Variants in CELSR1 observed in about 807,000 individuals in gnomAD.
The protein encoded by CELSR1 is cadherin EGF LAG seven-pass G-type receptor 1.
A neutral mutation model predicts 249.1 loss-of-function variants in CELSR1; 110 were observed. The observed-to-expected ratio is 0.44, with a 90% CI of 0.38 to 0.52. The LOEUF (loss-of-function observed/expected upper bound fraction) is 0.52. Ranked by LOEUF, CELSR1 falls within the 20% of genes least tolerant of loss-of-function variation. CELSR1 has a pLI of 0.00. For synonymous variants in CELSR1, 2,113 were observed against 1,900.0 expected (o/e 1.11, Z -2.92); for missense variants, 4,109 against 4,296.4 (o/e 0.96, Z 1.22).
rs1157819411 is a variant in CELSR1 at position 46,374,852 on chromosome 22, G to C, written c.7585-1795C>G. ...GAAGAAACCCCTCCGCAGGAGCAGC[G>C]ACCCTGCCATATGGGCCCCGCACAC... is the stretch of plus-strand genomic sequence containing the variant. On this transcript the variant is annotated intron_variant, in intron 24 of 34. Coordinates refer to ENST00000674500, the MANE Select transcript of CELSR1 (RefSeq NM_001378328.1). The surrounding 1 kb of genome is among the most constrained non-coding windows in gnomAD (Gnocchi z 4.3). Among the ~76,000 whole-genome samples the C allele has an allele frequency of 6.6e-6, 1 of 152,194 alleles. No individual in the cohort carries two copies. The highest frequency in any genetic ancestry group is 6.5e-5 in the Admixed American group (1 of 15,292).
In CELSR1 at chr22:46,526,560, C is replaced by A. The variant is rs117876147; in HGVS notation, c.3544+7067G>T. On this transcript the variant is annotated intron_variant, in intron 1 of 34. Transcript: ENST00000674500. The surrounding 1 kb of genome is among the most constrained non-coding windows in gnomAD (Gnocchi z 4.7). ...CACCAAGGACCTGCCCTTGGCTAAC[C>A]CATCACATCTCTGTCCCCAGGCTCT... Among the ~76,000 whole-genome samples, 2 of 152,306 alleles carry A rather than the reference C, an allele frequency of 1.3e-5. No individual in the cohort carries two copies. The highest frequency in any genetic ancestry group is 2.9e-5 in the Non-Finnish European group (2 of 68,026).
intron 1 of CELSR1, among the ~76,000 whole-genome samples, chr22:46,510,147 G>A (rs998387053): frequency 5.3e-5 from 8 of 152,232 alleles, no homozygotes; most frequent in African/African-American, 1.9e-4. Flanking sequence ...CACCCTCTGC[G>A]TCTGTCTCTC....
At chr22:46,378,912 G>T (rs78852768) in intron 22 of CELSR1, among the ~76,000 whole-genome samples, 195 bp from the exon 23 acceptor site, 1 of 152,028 alleles carries the variant, frequency 6.6e-6, no homozygotes, top group East Asian at 1.9e-4. Context: ...CCCCTACACC[G>T]AAGACAAGAG....
At chr22:46,461,929 T>G (rs1412469325) in intron 2 of CELSR1, among the ~76,000 whole-genome samples, 1 of 152,084 alleles carries the variant, frequency 6.6e-6, no homozygotes, top group East Asian at 1.9e-4. Flanking sequence ...AGCAGCCCAC[T>G]CAAGGCCGTG....
intron 1 of CELSR1, among the ~76,000 whole-genome samples, chr22:46,519,562 C>G (rs1436804631): frequency 6.6e-6 from 1 of 152,198 alleles, no homozygotes; most frequent in Admixed American, 6.5e-5. Flanking sequence ...CCAGGCAGAG[C>G]CTGGGCATCA....
chr22:46,432,433 T>G (rs571005919), intron 5 of CELSR1, among the ~76,000 whole-genome samples: 1 of 152,196 alleles, frequency 6.6e-6, no homozygotes, highest in African/African-American at 2.4e-5. Flanking sequence ...CCCAGCCTTG[T>G]GAAGTCCGGG....
In CELSR1 at chr22:46,428,872, T is replaced by C. The variant is rs2079564068; in HGVS notation, c.4611+4521A>G. On this transcript the variant is annotated intron_variant, in intron 5 of 34. Transcript: ENST00000674500. The surrounding 1 kb of genome is among the most constrained non-coding windows in gnomAD (Gnocchi z 5.7). ...ACTACCTCCCCTGCATGTCCCTGCCTCCCCAGCTGGCCAGGAGACTGTGCT... is the reference window on the plus strand; with the variant it reads ...ACTACCTCCCCTGCATGTCCCTGCCCCCCCAGCTGGCCAGGAGACTGTGCT... Among the ~76,000 whole-genome samples, 1 of 152,086 alleles carries C rather than the reference T, an allele frequency of 6.6e-6. No homozygotes were observed. Among genetic ancestry groups the C allele is most frequent in the African/African-American group, 2.4e-5 (1 of 41,410 alleles).
chr22:46,416,822 G>A (rs114006724), intron 5 of CELSR1, among the ~76,000 whole-genome samples: 3,465 of 152,224 alleles, frequency 0.023, 115 homozygotes, highest in African/African-American at 0.078. Context: ...GCTCTACGCA[G>A]TGCTGGGAGT....
At chr22:46,422,766 C>CAAAAA (rs372904848) in intron 5 of CELSR1, among the ~76,000 whole-genome samples, 2 of 99,328 alleles carry the variant, frequency 2.0e-5, no homozygotes, top group African/African-American at 8.5e-5. Context: ...GACTCCATCT[C>CAAAAA]AAAAAAAAAA....
chr22:46,535,854 G>A lies in CELSR1; in HGVS notation c.1317C>T (p.Leu439=). Residue 439 remains leucine (L), a synonymous_variant, in exon 1 of 35, where the codon CTC becomes CTT. Transcript: ENST00000674500. ...ANDQGRNPGP[L]SATATVYIEV... ...CGATGTACACGGTGGCCGTGGCACT[G>A]AGCGGGCCCGGATTGCGCCCCTGGT... 1 of 1,611,320 alleles carries A rather than the reference G, an allele frequency of 6.2e-7. No homozygotes were observed. Among genetic ancestry groups the A allele is most frequent in the Admixed American group, 1.7e-5 (1 of 60,016 alleles).
intron 5 of CELSR1, among the ~76,000 whole-genome samples, chr22:46,415,324 A>AT (rs2079387377): frequency 6.6e-6 from 1 of 151,930 alleles, no homozygotes; most frequent in African/African-American, 2.4e-5. Flanking sequence ...TAATTTTTGT[A>AT]TTTTTAGTAG....
chr22:46,362,046 A>G lies in CELSR1; in HGVS notation c.*1177T>C, dbSNP rs1045147688. ...TAATTGGTCAGACTCCAGAGGGGAG[A>G]ACCCTGCCTGGAGATCCTCGCAGTC... On this transcript the variant is annotated 3_prime_UTR_variant, in exon 35 of 35. Coordinates refer to ENST00000674500, the MANE Select transcript of CELSR1 (RefSeq NM_001378328.1). The G allele has an allele frequency of 6.6e-6, 1 of 152,228 alleles. No individual in the cohort carries two copies. The highest frequency in any genetic ancestry group is 1.5e-5 in the Non-Finnish European group (1 of 68,050). The allele number at this position is 152,228 out of a possible 1,614,324, so 9.4% of individuals were successfully genotyped here. A position where few individuals can be genotyped will look rare whatever the true frequency, so the allele number is the denominator to read the frequency against.
rs2079081738 is a variant in CELSR1 at position 46,390,790 on chromosome 22, G to A, written c.6251-304C>T. Reference sequence around the variant, plus strand: ...CGGCAGCCACGATCCCATGCACCAGGAATCCATTTCGGCTGGGCCTTTCCT... The same window carrying A: ...CGGCAGCCACGATCCCATGCACCAGAAATCCATTTCGGCTGGGCCTTTCCT... On this transcript the variant is annotated intron_variant, in intron 16 of 34. Coordinates refer to ENST00000674500, the MANE Select transcript of CELSR1 (RefSeq NM_001378328.1). This position sits in a 1 kb window ranked among gnomAD's most constrained non-coding sequence, Gnocchi z 6.3. Among the ~76,000 whole-genome samples the A allele has an allele frequency of 6.6e-6, 1 of 152,208 alleles. No homozygotes were observed. Among genetic ancestry groups the A allele is most frequent in the Non-Finnish European group, 1.5e-5 (1 of 68,042 alleles).
rs1244150000 is a variant in CELSR1, at chr22:46,430,966, GAC to G, written c.4611+2425_4611+2426del. On this transcript the variant is annotated intron_variant, in intron 5 of 34. Transcript: ENST00000674500. This position sits in a 1 kb window ranked among gnomAD's most constrained non-coding sequence, Gnocchi z 4.6. ...TCAGACCTCCTAATGGACGCCTGAA[GAC>G]ACAGTAAAAACTGGTTGGTTTCCTC... Among the ~76,000 whole-genome samples, 2 of 152,208 alleles carry G rather than the reference GAC, an allele frequency of 1.3e-5. No individual in the cohort carries two copies. Among genetic ancestry groups the G allele is most frequent in the African/African-American group, 4.8e-5 (2 of 41,456 alleles).
rs542308342 is a variant in CELSR1 at position 46,481,694 on chromosome 22, C to T, written c.3545-17349G>A. The T allele has an allele frequency of 5.6e-4, 324 of 579,908 alleles. 2 individuals carry two copies. In the African/African-American group the frequency reaches 5.7e-3, roughly 10 times the overall value. 35.9% of individuals were successfully genotyped at this position (579,908 alleles called of 1,614,324 possible). Reference sequence around the variant, plus strand: ...ATGTTCTCTCTCTCCAGACTCTTCACCATGGAGTCCACCACCTCCTGCACC... The same window carrying T: ...ATGTTCTCTCTCTCCAGACTCTTCATCATGGAGTCCACCACCTCCTGCACC... On this transcript the variant is annotated intron_variant, in intron 1 of 34. Transcript: ENST00000674500.
chr22:46,363,359 G>C lies in CELSR1; in HGVS notation c.9036-112C>G. 2.4e-6 allele frequency: 2 copies of C among 843,658 alleles called. No homozygotes were observed. Among genetic ancestry groups the C allele is most frequent in the Non-Finnish European group, 3.7e-6 (2 of 540,438 alleles). The allele number at this position is 843,658 out of a possible 1,614,324, so 52.3% of individuals were successfully genotyped here. A position where few individuals can be genotyped will look rare whatever the true frequency, so the allele number is the denominator to read the frequency against. ...AGGATCACCCCATCAGGGTAGAGGG[G>C]GCGTCTGGGGGCTCCAGGGAGGGCA... On this transcript the variant is annotated intron_variant, in intron 34 of 34. Coordinates refer to ENST00000674500, the MANE Select transcript of CELSR1 (RefSeq NM_001378328.1). The surrounding 1 kb of genome is among the most constrained non-coding windows in gnomAD (Gnocchi z 4.3).
Position 46,441,813 on chromosome 22 carries a change from G to A in CELSR1, c.4184-2402C>T, listed in dbSNP as rs1227301843. 6.6e-6 allele frequency among the ~76,000 whole-genome samples: 1 copy of A among 152,114 alleles called. No individual in the cohort carries two copies. Among genetic ancestry groups the A allele is most frequent in the Admixed American group, 6.6e-5 (1 of 15,262 alleles). Reference sequence around the variant, plus strand: ...CAGAGCAGATATGTATGAGACAACTGGCAATTTTAAAAGACTAGTGAACAT... The same window carrying A: ...CAGAGCAGATATGTATGAGACAACTAGCAATTTTAAAAGACTAGTGAACAT... On this transcript the variant is annotated intron_variant, in intron 2 of 34. Transcript: ENST00000674500. This position sits in a 1 kb window ranked among gnomAD's most constrained non-coding sequence, Gnocchi z 6.1.
At chr22:46,384,477 C>T (rs932251584) in intron 20 of CELSR1, 66 bp downstream of exon 20, 52 of 1,506,476 alleles carry the variant, frequency 3.5e-5, no homozygotes, top group South Asian at 1.4e-4. Context: ...ATGCCCGCAG[C>T]GGGGCCCTCC....
chr22:46,520,903 C>A lies in CELSR1; in HGVS notation c.3544+12724G>T, dbSNP rs144097617. Among the ~76,000 whole-genome samples the A allele has an allele frequency of 6.8e-3, 1,043 of 152,296 alleles. 13 individuals carry two copies. The highest frequency in any genetic ancestry group is 0.024 in the African/African-American group (995 of 41,564). On this transcript the variant is annotated intron_variant, in intron 1 of 34. Transcript: ENST00000674500. ...CGCAACTCCTGTCCCCTCCCCACCC[C>A]CTGGCAACCACCATTCTACTTCCTG... is the stretch of plus-strand genomic sequence containing the variant.
Sources: allele counts gnomAD v4.1 joint callset (sites outside exome capture counted in the v4.1 genomes callset), GRCh38; gene constraint gnomAD v4.1.1; non-coding constraint Gnocchi (gnomAD v3.1); transcripts MANE v1.5; gene names NCBI Gene and HGNC (gene_info 2026-07-23, HGNC 2026-07-21).